The following PSMA8 variants were observed in gnomAD, a reference collection of about 807,000 sequenced individuals.
PSMA8 encodes the protein proteasome 20S subunit alpha 8, also known as proteasome subunit alpha-type 8.
A neutral mutation model predicts 32.4 loss-of-function variants in PSMA8; 18 were observed. That is an observed-to-expected ratio of 0.56 (90% CI 0.38 to 0.82). The LOEUF is 0.82. PSMA8 is among the 40% of genes least tolerant of loss of function. PSMA8 has a pLI of 0.00. For missense variants in PSMA8, 298 were observed against 300.7 expected (o/e 0.99, Z 0.07); for synonymous variants, 104 against 98.1 (o/e 1.06, Z -0.36).
intron 4 of PSMA8, among the ~76,000 whole-genome samples, chr18:26,163,999 A>C (rs978744102): frequency 6.6e-6 from 1 of 152,238 alleles, no homozygotes; most frequent in African/African-American, 2.4e-5. Flanking sequence ...ATCCCAAGTG[A>C]AAACAGTGTT....
At chr18:26,142,729 C>T (rs2054968998) in intron 1 of PSMA8, among the ~76,000 whole-genome samples, 2 of 152,266 alleles carry the variant, frequency 1.3e-5, no homozygotes, top group African/African-American at 4.8e-5. Context: ...TACCCATTTC[C>T]TAGTTCATAG....
intron 6 of PSMA8, 150 bp from the exon 7 acceptor site, chr18:26,192,169 C>T: frequency 1.5e-6 from 1 of 675,496 alleles, no homozygotes; most frequent in Non-Finnish European, 2.1e-6. Flanking sequence ...TCTTAGACCT[C>T]TTGAAATGCT....
chr18:26,182,186 G>A lies in PSMA8; in HGVS notation c.660+3056G>A, dbSNP rs139421841. 8.0e-3 allele frequency among the ~76,000 whole-genome samples: 1,212 copies of A among 152,320 alleles called. 39 individuals carry two copies. The East Asian group carries it at 0.1, about 13-fold the overall frequency. On this transcript the variant is annotated intron_variant, in intron 6 of 6. Coordinates refer to ENST00000415576, the MANE Select transcript of PSMA8 (RefSeq NM_001025096.2). ...CAAGGTGAAGCAGCAAGTACTGATG[G>A]AGAAGCTGCAGCAAGTTATCCAGAA...
intron 4 of PSMA8, among the ~76,000 whole-genome samples, chr18:26,174,705 C>T (rs549623902): frequency 6.6e-6 from 1 of 152,130 alleles, no homozygotes; most frequent in Non-Finnish European, 1.5e-5. Context: ...TTAACTACGT[C>T]GTATACTTCT....
chr18:26,138,433 A>G (rs1285839497), intron 1 of PSMA8, among the ~76,000 whole-genome samples: 2 of 152,182 alleles, frequency 1.3e-5, no homozygotes, highest in African/African-American at 2.4e-5. Context: ...GCCTTTCCAC[A>G]TTAGGAAAGT....
intron 6 of PSMA8, among the ~76,000 whole-genome samples, chr18:26,182,452 A>C (rs2055319263): frequency 6.6e-6 from 1 of 152,234 alleles, no homozygotes; most frequent in Admixed American, 6.5e-5. Context: ...CAGCACATCT[A>C]TTTATAGCAT....
chr18:26,174,589 C>T (rs2055249703), intron 4 of PSMA8, among the ~76,000 whole-genome samples: 1 of 151,992 alleles, frequency 6.6e-6, no homozygotes, highest in African/African-American at 2.4e-5. Flanking sequence ...TTAAGGAGAC[C>T]CACCTGCATA....
intron 1 of PSMA8, 103 bp downstream of exon 1, chr18:26,134,170 GA>G: frequency 1.3e-6 from 1 of 784,440 alleles, no homozygotes; most frequent in Non-Finnish European, 2.2e-6. Context: ...CTCAAGAGAG[GA>G]GATTCCCACA....
chr18:26,134,046 G>C lies in PSMA8; in HGVS notation c.81G>C (p.Ala27=). The part of the protein sequence containing the change: ...HLFQVEYAQE[A]VKKGSTAVGI... ...TTCAAGTTGAATATGCCCAGGAAGC[G>C]GTGAAGAAAGGATCCACCGCGGTGA... The change falls in exon 1 of 7, where the codon GCG becomes GCC. Residue 27 remains alanine, a synonymous_variant. Coordinates refer to ENST00000415576, the MANE Select transcript of PSMA8 (RefSeq NM_001025096.2). The C allele has an allele frequency of 6.2e-7, 1 of 1,613,692 alleles. No individual in the cohort carries two copies. Among genetic ancestry groups the C allele is most frequent in the Middle Eastern group, 1.7e-4 (1 of 6,060 alleles).
intron 1 of PSMA8, among the ~76,000 whole-genome samples, chr18:26,143,952 C>T (rs1206804209): frequency 6.6e-6 from 1 of 152,068 alleles, no homozygotes; most frequent in African/African-American, 2.4e-5. Flanking sequence ...GAACTCCAGA[C>T]CTCAAGTCGT....
At chr18:26,186,445 T>G (rs973819989) in intron 6 of PSMA8, among the ~76,000 whole-genome samples, 1 of 152,066 alleles carries the variant, frequency 6.6e-6, no homozygotes, top group Non-Finnish European at 1.5e-5. Context: ...ACATAAGATA[T>G]AAGAAATTTA....
At position 26,144,532 on chromosome 18, in the gene PSMA8, T is replaced by C. The variant is rs748828091; in HGVS notation, c.103-27T>C. ...TTTATATTTTAAACTGACATCTGAA[T>C]ATATATGTATTTTAATGACTTGACA... On this transcript the variant is annotated intron_variant, in intron 1 of 6. Transcript: ENST00000415576. 15 of 1,592,192 alleles carry C rather than the reference T, an allele frequency of 9.4e-6. No homozygotes were observed. The East Asian group carries it at 3.4e-4, about 36-fold the overall frequency.
Position 26,144,609 on chromosome 18 carries a change from T to C in PSMA8, c.153T>C (p.Ser51=), listed in dbSNP as rs1329083194. ...TTGTTCTTGGGGTAGAAAAAAAATC[T>C]GTTGCCAAGCTTCAAGATGAAAGAA... ...NIVVLGVEKK[S]VAKLQDERTV... The change falls in exon 2 of 7, where the codon TCT becomes TCC. Residue 51 remains serine (S), a synonymous_variant. Coordinates refer to ENST00000415576, the MANE Select transcript of PSMA8 (RefSeq NM_001025096.2). 3.1e-6 allele frequency: 5 copies of C among 1,613,758 alleles called. No homozygotes were observed. The African/African-American group carries it at 6.7e-5, about 22-fold the overall frequency.
intron 6 of PSMA8, among the ~76,000 whole-genome samples, chr18:26,185,087 CAA>C (rs772421124): frequency 4.0e-3 from 219 of 55,418 alleles, no homozygotes; most frequent in African/African-American, 0.013. Flanking sequence ...AACTCCATCT[CAA>C]AAAAAAAAAA....
At chr18:26,177,352 C>CA (rs1232231445) in intron 4 of PSMA8, among the ~76,000 whole-genome samples, 1 of 152,164 alleles carries the variant, frequency 6.6e-6, no homozygotes, top group Non-Finnish European at 1.5e-5. Context: ...TTAGCTGGCC[C>CA]AAAATGTGAA....
At chr18:26,177,805 GC>G (rs2055275640) in intron 4 of PSMA8, among the ~76,000 whole-genome samples, 1 of 152,108 alleles carries the variant, frequency 6.6e-6, no homozygotes, top group Non-Finnish European at 1.5e-5. Flanking sequence ...TAGGTAAATA[GC>G]TTTCTTCATG....
chr18:26,171,346 G>A, intron 4 of PSMA8: 1 of 1,419,570 alleles, frequency 7.0e-7, no homozygotes. Context: ...GTCAAGTTTG[G>A]CGCGAAATTG....
At chr18:26,179,401 G>A (rs1158838773) in intron 6 of PSMA8, among the ~76,000 whole-genome samples, 1 of 151,832 alleles carries the variant, frequency 6.6e-6, no homozygotes, top group Non-Finnish European at 1.5e-5. Flanking sequence ...CCAGTGCTGG[G>A]ATTACAACTG....
intron 4 of PSMA8, chr18:26,171,118 T>C: frequency 6.4e-7 from 1 of 1,559,398 alleles, no homozygotes; most frequent in Non-Finnish European, 8.5e-7. Flanking sequence ...GAGAACCAGG[T>C]CTTCTTACCC....
Sources: allele counts gnomAD v4.1 joint callset (sites outside exome capture counted in the v4.1 genomes callset), GRCh38; gene constraint gnomAD v4.1.1; transcripts MANE v1.5; gene names NCBI Gene and HGNC (gene_info 2026-07-23, HGNC 2026-07-21).